WDR17: variants seen among roughly 807,000 people sequenced by gnomAD.
The protein encoded by WDR17 is WD repeat domain 17.
In WDR17, 143 loss-of-function variants were observed where a neutral mutation model predicts 161.7. The observed-to-expected ratio is 0.88, with a 90% CI of 0.77 to 1.02. The LOEUF is 1.02. Ranked by LOEUF, WDR17 falls within the 50% of genes least tolerant of loss-of-function variation. The probability of loss-of-function intolerance (pLI) is 0.00; values close to 1 mark genes in which losing one functional copy is unlikely to be tolerated. For missense variants in WDR17, 1,469 were observed against 1,520.9 expected, an observed-to-expected ratio of 0.97 and a Z score of 0.57; for synonymous variants, 517 against 515.6, an observed-to-expected ratio of 1.00 and a Z score of -0.04.
intron 4 of WDR17, among the ~76,000 whole-genome samples, chr4:176,120,929 T>C (rs1187757712): frequency 6.6e-6 from 1 of 152,168 alleles, no homozygotes; most frequent in Non-Finnish European, 1.5e-5. Flanking sequence ...CAGGAAATAA[T>C]GTTTCTAAAG....
chr4:176,096,350 A>G (rs1322915643), intron 1 of WDR17: 1 of 426,210 alleles, frequency 2.3e-6, no homozygotes, highest in Admixed American at 4.3e-5. Context: ...TAAAAAATTA[A>G]AATTGTTTCA....
At chr4:176,074,734 C>T (rs1733736490) in intron 1 of WDR17, among the ~76,000 whole-genome samples, 1 of 151,200 alleles carries the variant, frequency 6.6e-6, no homozygotes, top group Admixed American at 6.6e-5. Context: ...GGATTAAATA[C>T]ACGAGCCCCT....
At chr4:176,089,270 A>G (rs561778885) in intron 1 of WDR17, among the ~76,000 whole-genome samples, 2 of 152,264 alleles carry the variant, frequency 1.3e-5, no homozygotes, top group African/African-American at 4.8e-5. Flanking sequence ...CCCCCTCCCC[A>G]AAACTCTTTC....
chr4:176,094,943 G>C (rs1736629268), intron 1 of WDR17, among the ~76,000 whole-genome samples: 1 of 152,110 alleles, frequency 6.6e-6, no homozygotes, highest in Non-Finnish European at 1.5e-5. Context: ...TTAATATTGA[G>C]ATTATCAGGT....
At chr4:176,091,436 T>C (rs1736110982) in intron 1 of WDR17, among the ~76,000 whole-genome samples, 1 of 152,154 alleles carries the variant, frequency 6.6e-6, no homozygotes, top group African/African-American at 2.4e-5. Context: ...TGAAAATTTT[T>C]TGAGGCAAAT....
rs1383727665 is a variant in WDR17 at position 176,092,940 on chromosome 4, G to C, written c.-6-18635G>C. ...GCCTGTGGTCCCAGCTACTTTGGTG[G>C]TTGAGGCATGAGAATCGCTTGAACC... On this transcript the variant is annotated intron_variant, in intron 1 of 28. Transcript: ENST00000508596. Among the ~76,000 whole-genome samples the C allele has an allele frequency of 2.0e-5, 3 of 152,280 alleles. No homozygotes were observed. In the East Asian group the frequency reaches 5.8e-4, roughly 29 times the overall value.
chr4:176,073,195 C>T (rs1299374132), intron 1 of WDR17, among the ~76,000 whole-genome samples: 2 of 152,028 alleles, frequency 1.3e-5, no homozygotes, highest in African/African-American at 2.4e-5. Flanking sequence ...TGTTGGTGTG[C>T]TGCACCCATT....
chr4:176,129,527 A>G (rs1468381912), intron 6 of WDR17, among the ~76,000 whole-genome samples: 1 of 152,170 alleles, frequency 6.6e-6, no homozygotes, highest in Non-Finnish European at 1.5e-5. Context: ...AGTTAAGTCT[A>G]TCATGATTAC....
At chr4:176,168,266 T>C (rs902433455) in intron 22 of WDR17, among the ~76,000 whole-genome samples, 4 of 152,222 alleles carry the variant, frequency 2.6e-5, no homozygotes, top group African/African-American at 9.6e-5. Context: ...GTTTCACTGA[T>C]CTGGCTGATA....
intron 5 of WDR17, among the ~76,000 whole-genome samples, chr4:176,125,696 G>A (rs1453804550): frequency 1.3e-5 from 2 of 152,144 alleles, no homozygotes; most frequent in African/African-American, 2.4e-5. Flanking sequence ...AAGGTACTGA[G>A]CATAAAAACA....
In WDR17 at chr4:176,131,678, G is replaced by C; in HGVS notation, c.1038G>C (p.Leu346Phe). 6.2e-7 allele frequency: 1 copy of C among 1,613,484 alleles called. No individual in the cohort carries two copies. The highest frequency in any genetic ancestry group is 8.5e-7 in the Non-Finnish European group (1 of 1,179,696). Residue 346 changes from leucine (L) to phenylalanine (F), a missense_variant, in exon 7 of 29, where the codon TTG (leucine) becomes TTC (phenylalanine). Coordinates refer to ENST00000508596, the MANE Select transcript of WDR17 (RefSeq NM_181265.4). ...CTGGTCATGCAGTGTGTTGTTTCTTGGATGGTGGAGTTGGACTTTATGATA... is the reference window on the plus strand; with the variant it reads ...CTGGTCATGCAGTGTGTTGTTTCTTCGATGGTGGAGTTGGACTTTATGATA... ...LPPGHAVCCF[L>F]DGGVGLYDMG... is the part of the protein sequence containing the mutation.
intron 2 of WDR17, 90 bp from the exon 3 acceptor site, chr4:176,115,706 T>C: frequency 9.8e-7 from 1 of 1,017,060 alleles, no homozygotes; most frequent in Middle Eastern, 3.4e-4. Flanking sequence ...TTTTCCTGTA[T>C]GTAGCTTTAG....
At chr4:176,090,767 A>T (rs1561082793) in intron 1 of WDR17, among the ~76,000 whole-genome samples, 1 of 152,186 alleles carries the variant, frequency 6.6e-6, no homozygotes. Context: ...GAGAGCCTCG[A>T]ACAGAGATTT....
At chr4:176,147,770 C>A (rs1746416487) in intron 12 of WDR17, among the ~76,000 whole-genome samples, 1 of 145,576 alleles carries the variant, frequency 6.9e-6, no homozygotes, top group Non-Finnish European at 1.5e-5. Context: ...ATTTAAAAAA[C>A]TGTGAAATAA....
At position 176,131,551 on chromosome 4, in the gene WDR17, T is replaced by C. The variant is rs542851993; in HGVS notation, c.914-3T>C. 1.6e-5 allele frequency: 26 copies of C among 1,595,090 alleles called. No individual in the cohort carries two copies. The South Asian group carries it at 2.9e-4, about 18-fold the overall frequency. ...AATAGGATTTTTTTTCTTCTATTTT[T>C]AGTTTCAGTCCAATCTCCAACCAAA... On this transcript the variant is annotated splice_region_variant and splice_polypyrimidine_tract_variant and intron_variant, in intron 6 of 28. Transcript: ENST00000508596.
At chr4:176,159,312 T>TGGAGAGAGAGAG in intron 18 of WDR17, among the ~76,000 whole-genome samples, 1 of 111,376 alleles carries the variant, frequency 9.0e-6, no homozygotes, top group East Asian at 2.7e-4. Flanking sequence ...CACACACAGA[T>TGGAGAGAGAGAG]GGAGAGAGAG....
chr4:176,135,307 C>A, intron 8 of WDR17, 31 bp downstream of exon 8: 1 of 1,605,306 alleles, frequency 6.2e-7, no homozygotes, highest in East Asian at 2.2e-5. Flanking sequence ...ATTAGGAATA[C>A]AATGAAATGG....
rs1298341814 is a variant in WDR17, at chr4:176,150,123, A to G, written c.2128A>G (p.Thr710Ala). 20 of 1,613,812 alleles carry G rather than the reference A, an allele frequency of 1.2e-5. No individual in the cohort carries two copies. Among genetic ancestry groups the G allele is most frequent in the Non-Finnish European group, 1.7e-5 (20 of 1,179,964 alleles). ...TATTAGACAGGAAATAGAAAAACTA[A>G]CTGCTAATTCTCAAGTGAAAAAACT... is the stretch of plus-strand genomic sequence containing the variant. ...RDIRQEIEKL[T>A]ANSQVKKLRW... Residue 710 changes from threonine (T) to alanine (A), a missense_variant, in exon 15 of 29, where the codon ACT becomes GCT. Transcript: ENST00000508596.
At chr4:176,131,836 TG>T (rs1040498559) in intron 7 of WDR17, 98 bp downstream of exon 7, 1 of 1,006,796 alleles carries the variant, frequency 9.9e-7, no homozygotes, top group African/African-American at 1.7e-5. Context: ...AAATTATTTT[TG>T]TAAGTAATAA....
Sources: allele counts gnomAD v4.1 joint callset (sites outside exome capture counted in the v4.1 genomes callset), GRCh38; gene constraint gnomAD v4.1.1; transcripts MANE v1.5; gene names NCBI Gene and HGNC (gene_info 2026-07-23, HGNC 2026-07-21).